The following NEMP2 variants were observed in gnomAD, a reference collection of about 807,000 sequenced individuals.
The protein encoded by NEMP2 is nuclear envelope integral membrane protein 2.
In NEMP2, 53 loss-of-function variants were observed where a neutral mutation model predicts 54.2. The ratio of observed to expected loss-of-function variants is 0.98; its 90% CI spans 0.78 to 1.23. The LOEUF is 1.23. Ranked by LOEUF, NEMP2 falls within the 50% of genes most tolerant of loss-of-function variation. The pLI is 0.00. For missense variants in NEMP2, 455 were observed against 511.3 expected, an observed-to-expected ratio of 0.89 and a Z score of 1.06; for synonymous variants, 197 against 190.3, an observed-to-expected ratio of 1.04 and a Z score of -0.29.
chr2:190,472,280 A>G, the NEMP2 span, among the ~76,000 whole-genome samples: 11 of 152,176 alleles, frequency 7.2e-5, no homozygotes, highest in Admixed American at 5.9e-4. Context: ...CAGACGATCA[A>G]ACTACTCCGA....
At chr2:190,486,593 C>T in the NEMP2 span, among the ~76,000 whole-genome samples, 1 of 152,182 alleles carries the variant, frequency 6.6e-6, no homozygotes, top group Admixed American at 6.5e-5. Context: ...TGCTGATGTC[C>T]CTCAGGAACC....
At chr2:190,623,975 A>AGATTT in the NEMP2 span, among the ~76,000 whole-genome samples, 1 of 152,210 alleles carries the variant, frequency 6.6e-6, no homozygotes, top group Non-Finnish European at 1.5e-5. Context: ...TCTATAGCAA[A>AGATTT]AAACAATCTG....
At chr2:190,472,516 G>A in the NEMP2 span, among the ~76,000 whole-genome samples, 1 of 152,180 alleles carries the variant, frequency 6.6e-6, no homozygotes, top group Admixed American at 6.5e-5. Flanking sequence ...ATGAAATGAA[G>A]TGAGAAAAGA....
chr2:190,497,189 A>C, the NEMP2 span, among the ~76,000 whole-genome samples: 2 of 152,192 alleles, frequency 1.3e-5, no homozygotes, highest in African/African-American at 4.8e-5. The surrounding 1 kb of genome is among the most constrained non-coding windows in gnomAD (Gnocchi z 5.2). Context: ...AAGTTAAATG[A>C]AAAATATATT....
At chr2:190,497,043 A>C in the NEMP2 span, among the ~76,000 whole-genome samples, 1 of 152,224 alleles carries the variant, frequency 6.6e-6, no homozygotes, top group Admixed American at 6.5e-5. This position sits in a 1 kb window ranked among gnomAD's most constrained non-coding sequence, Gnocchi z 5.2. Flanking sequence ...CCTGTTCCCC[A>C]AAAACCTGTG....
the NEMP2 span, among the ~76,000 whole-genome samples, chr2:190,452,808 C>T: frequency 6.6e-6 from 1 of 152,220 alleles, no homozygotes; most frequent in Non-Finnish European, 1.5e-5. Context: ...CTTATTCCTT[C>T]AGGGTTAGCT....
At chr2:190,539,691 A>G (rs1691485623), upstream of NEMP2, among the ~76,000 whole-genome samples, 1 of 152,008 alleles carries the variant, frequency 6.6e-6, no homozygotes, top group South Asian at 2.1e-4. This position sits in a 1 kb window ranked among gnomAD's most constrained non-coding sequence, Gnocchi z 4.1. Context: ...TATAAATGGG[A>G]TTGGTTTCTT....
chr2:190,431,711 GACTGT>G, the NEMP2 span, among the ~76,000 whole-genome samples: 1 of 152,078 alleles, frequency 6.6e-6, no homozygotes, highest in African/African-American at 2.4e-5. This position sits in a 1 kb window ranked among gnomAD's most constrained non-coding sequence, Gnocchi z 4.4. Context: ...GGGAGAGGGA[GACTGT>G]GGGGAGAGGG....
At chr2:190,648,722 C>G in the NEMP2 span, among the ~76,000 whole-genome samples, 1 of 151,398 alleles carries the variant, frequency 6.6e-6, no homozygotes, top group Non-Finnish European at 1.5e-5. Flanking sequence ...TCCCCGCGCC[C>G]GGAGCGGGAC....
the NEMP2 span, among the ~76,000 whole-genome samples, chr2:190,482,631 AACAGTTT>A: frequency 6.6e-6 from 1 of 152,020 alleles, no homozygotes; most frequent in Non-Finnish European, 1.5e-5. Flanking sequence ...CAAGCCAAGC[AACAGTTT>A]ACAAAGAGCA....
the NEMP2 span, among the ~76,000 whole-genome samples, chr2:190,467,460 A>G: frequency 1.3e-5 from 2 of 152,180 alleles, no homozygotes; most frequent in African/African-American, 4.8e-5. The surrounding 1 kb of genome is among the most constrained non-coding windows in gnomAD (Gnocchi z 5.5). Flanking sequence ...TAAAAATACA[A>G]AAATTAGCCA....
chr2:190,587,529 AAGGTC>A, the NEMP2 span, among the ~76,000 whole-genome samples: 1 of 152,180 alleles, frequency 6.6e-6, no homozygotes, highest in South Asian at 2.1e-4. This position sits in a 1 kb window ranked among gnomAD's most constrained non-coding sequence, Gnocchi z 5.4. Context: ...AAGTAGGGCA[AAGGTC>A]AGACTCTTCA....
chr2:190,595,833 C>T, the NEMP2 span, among the ~76,000 whole-genome samples: 1 of 152,302 alleles, frequency 6.6e-6, no homozygotes, highest in South Asian at 2.1e-4. The surrounding 1 kb of genome is among the most constrained non-coding windows in gnomAD (Gnocchi z 4.0). Flanking sequence ...CTGTGGAAGA[C>T]AGTGTGGCGA....
the NEMP2 span, among the ~76,000 whole-genome samples, chr2:190,540,927 G>A: frequency 1.5e-4 from 23 of 151,958 alleles, no homozygotes; most frequent in Admixed American, 1.5e-3. Context: ...GTTTGGTGAG[G>A]TTTTTAATTT....
the NEMP2 span, among the ~76,000 whole-genome samples, chr2:190,592,727 C>T: frequency 3.9e-5 from 6 of 152,062 alleles, no homozygotes; most frequent in African/African-American, 1.4e-4. This position sits in a 1 kb window ranked among gnomAD's most constrained non-coding sequence, Gnocchi z 4.4. Flanking sequence ...TCCCAAATTT[C>T]AGTATACTGC....
chr2:190,592,119 C>G, the NEMP2 span, among the ~76,000 whole-genome samples: 3 of 152,126 alleles, frequency 2.0e-5, no homozygotes, highest in East Asian at 1.9e-4. This position sits in a 1 kb window ranked among gnomAD's most constrained non-coding sequence, Gnocchi z 4.4. Context: ...ACCCCTCCCC[C>G]AGAGGTGCAG....
At chr2:190,555,920 C>T in the NEMP2 span, among the ~76,000 whole-genome samples, 135 of 152,198 alleles carry the variant, frequency 8.9e-4, no homozygotes, top group Non-Finnish European at 1.5e-3. This position sits in a 1 kb window ranked among gnomAD's most constrained non-coding sequence, Gnocchi z 4.8. Context: ...TGGTACCATT[C>T]CTTCTGAAAC....
At chr2:190,475,612 A>G in the NEMP2 span, among the ~76,000 whole-genome samples, 1 of 152,248 alleles carries the variant, frequency 6.6e-6, no homozygotes, top group Non-Finnish European at 1.5e-5. Flanking sequence ...GGAAGAATCA[A>G]TATCGTGAAA....
chr2:190,514,646 C>G lies in NEMP2; in HGVS notation c.760G>C (p.Val254Leu), dbSNP rs185699992. Residue 254 changes from valine (V) to leucine (L), a missense_variant, in exon 7 of 9, where the codon GTT becomes CTT. Around this residue, in one of 3 missense-constraint regions of NEMP2, gnomAD observed 294 missense variants for 333.6 expected, o/e 0.88. Coordinates refer to ENST00000409150, the MANE Select transcript of NEMP2 (RefSeq NM_001142645.2). The surrounding 1 kb of genome is among the most constrained non-coding windows in gnomAD (Gnocchi z 5.7). ...YVLIVGFFSF[V>L]VCYKHGPLAD... ...AGGGGCCCATGCTTGTAACAAACAA[C>G]AAAGCTGAAAAATCCAACTATCAAG... 6.4e-7 allele frequency: 1 copy of G among 1,551,580 alleles called. No individual in the cohort carries two copies. Among genetic ancestry groups the G allele is most frequent in the Non-Finnish European group, 8.7e-7 (1 of 1,146,974 alleles).
Sources: allele counts gnomAD v4.1 joint callset (sites outside exome capture counted in the v4.1 genomes callset), GRCh38; gene constraint gnomAD v4.1.1; regional missense constraint gnomAD v4.1.1; non-coding constraint Gnocchi (gnomAD v3.1); transcripts MANE v1.5; gene names NCBI Gene and HGNC (gene_info 2026-07-23, HGNC 2026-07-21).